PLCB2: variants seen among roughly 807,000 people sequenced by gnomAD.
PLCB2 encodes phospholipase C beta 2, also known as 1-phosphatidylinositol 4,5-bisphosphate phosphodiesterase beta-2.
A neutral mutation model predicts 141.7 loss-of-function variants in PLCB2; 115 were observed. The ratio of observed to expected loss-of-function variants is 0.81; its 90% CI spans 0.70 to 0.95. The LOEUF (loss-of-function observed/expected upper bound fraction) is 0.95. Among genes scored for constraint, PLCB2 ranks in the 40% least tolerant of loss-of-function variants. The pLI, the probability that PLCB2 is intolerant of heterozygous loss-of-function variation, is 0.00. For missense variants in PLCB2, 1,403 were observed against 1,541.1 expected, an observed-to-expected ratio of 0.91 and a Z score of 1.50; for synonymous variants, 603 against 595.6, an observed-to-expected ratio of 1.01 and a Z score of -0.18.
chr15:40,304,129 C>T (rs2040673731), intron 1 of PLCB2, 51 bp from the exon 2 acceptor site: 1 of 1,320,952 alleles, frequency 7.6e-7, no homozygotes, highest in African/African-American at 1.4e-5. Context: ...GGCCAAGCCT[C>T]CCTGGTCCAG....
At position 40,290,079 on chromosome 15, in the gene PLCB2, C is replaced by T; in HGVS notation, c.3213G>A (p.Leu1071=). The change falls in exon 30 of 32, where the codon TTG becomes TTA. Residue 1071 remains leucine, a synonymous_variant. Coordinates refer to ENST00000260402, the MANE Select transcript of PLCB2 (RefSeq NM_004573.3). ...TGTGGGAGTTGTTAATCTCTCTCTT[C>T]AACCTGTTGGTGTAATTGGAGTTTT... ...VTTDKMAQER[L]KREINNSHIQ... 1 of 1,605,836 alleles carries T rather than the reference C, an allele frequency of 6.2e-7. No homozygotes were observed. Among genetic ancestry groups the T allele is most frequent in the Non-Finnish European group, 8.5e-7 (1 of 1,173,042 alleles).
downstream of PLCB2, among the ~76,000 whole-genome samples, chr15:40,286,991 G>A (rs1473148201): frequency 6.6e-6 from 1 of 152,238 alleles, no homozygotes; most frequent in Non-Finnish European, 1.5e-5. Context: ...AAAATCTGGG[G>A]GCTGCCCAGT....
At position 40,290,683 on chromosome 15, in the gene PLCB2, A is replaced by T. The variant is rs755228909; in HGVS notation, c.3114-11T>A. The T allele has an allele frequency of 6.2e-7, 1 of 1,613,240 alleles. No homozygotes were observed. The highest frequency in any genetic ancestry group is 1.7e-5 in the Admixed American group (1 of 60,000). Reference sequence around the variant, plus strand: ...ATCTCTTTGGTGTCGCTGCAGAGAGACAGGCATGAAGGAGCTGTTTTGTGC... The same window carrying T: ...ATCTCTTTGGTGTCGCTGCAGAGAGTCAGGCATGAAGGAGCTGTTTTGTGC... On this transcript the variant is annotated splice_polypyrimidine_tract_variant and intron_variant, in intron 28 of 31. Transcript: ENST00000260402.
Position 40,291,136 on chromosome 15 carries a change from G to T in PLCB2, c.2918C>A (p.Pro973His). The change falls in exon 27 of 32, where the codon CCT (proline) becomes CAT (histidine). Residue 973 changes from proline to histidine, a missense_variant. By Grantham distance (77) the Pro-to-His change is moderately conservative. Around this residue, in one of 4 missense-constraint regions of PLCB2, gnomAD observed 290 missense variants for 245.9 expected, o/e 1.18. Transcript: ENST00000260402. ...ESAGAAPGEG[P>H]EGVDGRVREL... ...CCGCACGCGCCCGTCCACGCCCTCAGGGCCCTCGCCCGGCGCGGCTCCGGC... is the reference window on the plus strand; with the variant it reads ...CCGCACGCGCCCGTCCACGCCCTCATGGCCCTCGCCCGGCGCGGCTCCGGC... 6.4e-6 allele frequency: 10 copies of T among 1,574,306 alleles called. No homozygotes were observed. Among genetic ancestry groups the T allele is most frequent in the Non-Finnish European group, 8.6e-6 (10 of 1,167,994 alleles).
At chr15:40,304,342 A>C (rs1208480003) in intron 1 of PLCB2, among the ~76,000 whole-genome samples, 1 of 152,106 alleles carries the variant, frequency 6.6e-6, no homozygotes, top group Non-Finnish European at 1.5e-5. Context: ...CCCCTACCTC[A>C]TCTCATAGAG....
rs1370253655 is a variant in PLCB2, at chr15:40,297,759, G to C, written c.1238+118C>G. 2 of 953,988 alleles carry C rather than the reference G, an allele frequency of 2.1e-6. No homozygotes were observed. The highest frequency in any genetic ancestry group is 4.8e-5 in the East Asian group (2 of 41,360). 59.1% of individuals were successfully genotyped at this position (953,988 alleles called of 1,614,324 possible). A position where few individuals can be genotyped will look rare whatever the true frequency, so the allele number is the denominator to read the frequency against. On this transcript the variant is annotated intron_variant, in intron 12 of 31. Transcript: ENST00000260402. The surrounding 1 kb of genome is among the most constrained non-coding windows in gnomAD (Gnocchi z 4.2). ...CATGAGGCCTTAGGGTGATTATACT[G>C]AGACGTGGGAGAAGCTGTAGGCAAT...
At chr15:40,289,783 G>C (rs1054644455) in intron 30 of PLCB2, among the ~76,000 whole-genome samples, 1 of 152,148 alleles carries the variant, frequency 6.6e-6, no homozygotes, top group Non-Finnish European at 1.5e-5. Context: ...GCCAGAGACA[G>C]ATCCCTTCAG....
At position 40,288,908 on chromosome 15, in the gene PLCB2, T is replaced by G. The variant is rs1285607109; in HGVS notation, c.3365A>C (p.Glu1122Ala). 4 of 1,612,884 alleles carry G rather than the reference T, an allele frequency of 2.5e-6. No homozygotes were observed. The highest frequency in any genetic ancestry group is 3.4e-6 in the Non-Finnish European group (4 of 1,179,922). Residue 1122 changes from glutamate to alanine, a missense_variant, in exon 32 of 32, where the codon GAG becomes GCG. By Grantham distance (107) the Glu-to-Ala change is moderately radical (BLOSUM62 -1). Transcript: ENST00000260402. Reference protein sequence around the residue: ...IREMEKQFQKEALAEYEARMK... With the variant: ...IREMEKQFQKAALAEYEARMK... The stretch of plus-strand genomic sequence containing the variant: ...CCTGGCCTCGTACTCTGCCAGCGCC[T>G]CCTTCTGGAACTGTGGAGACAGCAA...
In PLCB2 at chr15:40,290,618, C is replaced by T. The variant is rs201513540; in HGVS notation, c.3168G>A (p.Gln1056=). 5 of 1,614,172 alleles carry T rather than the reference C, an allele frequency of 3.1e-6. No individual in the cohort carries two copies. The South Asian group carries it at 5.5e-5, about 18-fold the overall frequency. ...KLETKRLERI[Q]GMTKVTTDKM... The stretch of plus-strand genomic sequence containing the variant: ...TGTCTGTGGTGACTTTGGTCATGCC[C>T]TGGATCCGCTCCAGTCTCTTTGTCT... The change falls in exon 29 of 32, where the codon CAG becomes CAA. Residue 1056 remains glutamine (Q), a synonymous_variant. Coordinates refer to ENST00000260402, the MANE Select transcript of PLCB2 (RefSeq NM_004573.3).
At chr15:40,304,979 G>A (rs954393901) in intron 1 of PLCB2, among the ~76,000 whole-genome samples, 8 of 152,158 alleles carry the variant, frequency 5.3e-5, no homozygotes, top group Non-Finnish European at 1.2e-4. Flanking sequence ...CAAGGTGAAT[G>A]ATCCAAAAAA....
chr15:40,292,048 T>G lies in PLCB2; in HGVS notation c.2526+16A>C. On this transcript the variant is annotated intron_variant, in intron 23 of 31. Transcript: ENST00000260402. ...ATCTCTGGTGAGCCCCTGGCAGCAGTGCAGGCAACACAGACCTCAGGCAGA... is the reference window on the plus strand; with the variant it reads ...ATCTCTGGTGAGCCCCTGGCAGCAGGGCAGGCAACACAGACCTCAGGCAGA... The G allele has an allele frequency of 1.9e-6, 3 of 1,611,962 alleles. No individual in the cohort carries two copies. Among genetic ancestry groups the G allele is most frequent in the Non-Finnish European group, 2.5e-6 (3 of 1,178,074 alleles).
chr15:40,306,261 A>G (rs1319094580), intron 1 of PLCB2, among the ~76,000 whole-genome samples: 3 of 152,198 alleles, frequency 2.0e-5, no homozygotes, highest in African/African-American at 7.2e-5. Flanking sequence ...AGCAGCATGG[A>G]CCTGTGGATA....
chr15:40,305,034 T>A (rs975548692), intron 1 of PLCB2, among the ~76,000 whole-genome samples: 1 of 152,042 alleles, frequency 6.6e-6, no homozygotes, highest in African/African-American at 2.4e-5. Flanking sequence ...AAAGGGAAAA[T>A]TTTTGTGGAG....
chr15:40,294,904 A>T (rs1481074479), intron 18 of PLCB2, 32 bp downstream of exon 18: 2 of 1,613,794 alleles, frequency 1.2e-6, no homozygotes, highest in Non-Finnish European at 8.5e-7. Context: ...GGGACCAGGG[A>T]AGGATTCTTA....
At chr15:40,296,493 C>G (rs1284461229) in intron 15 of PLCB2, 29 bp downstream of exon 15, 16 of 1,613,696 alleles carry the variant, frequency 9.9e-6, no homozygotes, top group Non-Finnish European at 1.3e-5. Context: ...GAGGATGACA[C>G]AGAGGGGCCT....
Position 40,296,512 on chromosome 15 carries a change from C to T in PLCB2, c.1599+10G>A. On this transcript the variant is annotated intron_variant, in intron 15 of 31. Transcript: ENST00000260402. The stretch of plus-strand genomic sequence containing the variant: ...ATGACACAGAGGGGCCTGGGGCTAC[C>T]CCCACACACCTCATCCGACTGCATC... The T allele has an allele frequency of 6.2e-7, 1 of 1,613,944 alleles. No homozygotes were observed. Among genetic ancestry groups the T allele is most frequent in the Non-Finnish European group, 8.5e-7 (1 of 1,179,902 alleles).
chr15:40,294,936 C>CCATCG lies in PLCB2; in HGVS notation c.1901_1905dup (p.Asp636ArgfsTer55), dbSNP rs1369758107. ...CTTAGGGGCCTGGGAATGCCCTCACCCATCGTCTGGAAGTTGAGGGCAACC... is the reference window on the plus strand; with the variant it reads ...CTTAGGGGCCTGGGAATGCCCTCACCCATCGCATCGTCTGGAAGTTGAGGGCAACC... On this transcript the variant is annotated frameshift_variant and splice_region_variant, in exon 18 of 32. Coordinates refer to ENST00000260402, the MANE Select transcript of PLCB2 (RefSeq NM_004573.3). LOFTEE classifies it high-confidence loss of function. 19 of 1,613,950 alleles carry CCATCG rather than the reference C, an allele frequency of 1.2e-5. No individual in the cohort carries two copies. The highest frequency in any genetic ancestry group is 1.5e-5 in the Non-Finnish European group (18 of 1,179,972).
chr15:40,297,744 T>G lies in PLCB2; in HGVS notation c.1238+133A>C. 1 of 935,140 alleles carries G rather than the reference T, an allele frequency of 1.1e-6. No individual in the cohort carries two copies. Among genetic ancestry groups the G allele is most frequent in the Non-Finnish European group, 1.7e-6 (1 of 586,966 alleles). 57.9% of individuals were successfully genotyped at this position (935,140 alleles called of 1,614,324 possible). ...ACTCGAGCAGGAGAACATGAGGCCTTAGGGTGATTATACTGAGACGTGGGA... is the reference window on the plus strand; with the variant it reads ...ACTCGAGCAGGAGAACATGAGGCCTGAGGGTGATTATACTGAGACGTGGGA... On this transcript the variant is annotated intron_variant, in intron 12 of 31. Coordinates refer to ENST00000260402, the MANE Select transcript of PLCB2 (RefSeq NM_004573.3). This position sits in a 1 kb window ranked among gnomAD's most constrained non-coding sequence, Gnocchi z 4.2.
At chr15:40,286,173 G>GC (rs1039535844), downstream of PLCB2, 1 of 370,434 alleles carries the variant, frequency 2.7e-6, no homozygotes, top group African/African-American at 2.2e-5. Flanking sequence ...CGCTTAGGGA[G>GC]CTGAAGGCTG....
Sources: gnomAD v4.1 joint callset for allele counts (sites outside exome capture counted in the v4.1 genomes callset) on GRCh38, gnomAD v4.1.1 for gene constraint, gnomAD v4.1.1 regional missense constraint, Gnocchi (gnomAD v3.1) non-coding constraint, MANE v1.5 for transcripts, NCBI Gene and HGNC (gene_info 2026-07-23, HGNC 2026-07-21) for gene names.